The following SCML4 variants were observed in gnomAD, a reference collection of about 807,000 sequenced individuals.
SCML4 encodes the protein Scm polycomb group protein like 4, also known as sex comb on midleg-like protein 4.
In SCML4, 34 loss-of-function variants were observed where a neutral mutation model predicts 41.1. That is an observed-to-expected ratio of 0.83 (90% CI 0.63 to 1.10). SCML4 has a LOEUF of 1.10. SCML4 is among the 50% of genes least tolerant of loss of function. SCML4 has a pLI of 0.00. For synonymous variants in SCML4, 214 were observed against 220.9 expected (o/e 0.97, Z 0.28); for missense variants, 522 against 534.1 (o/e 0.98, Z 0.22).
intron 6 of SCML4, among the ~76,000 whole-genome samples, chr6:107,714,977 AT>A (rs1250441093): frequency 1.3e-3 from 69 of 54,514 alleles, no homozygotes; most frequent in Non-Finnish European, 1.7e-3. Context: ...CAAACCCTTT[AT>A]TTTTTTTTTT....
intron 6 of SCML4, chr6:107,719,245 G>T (rs927983129): frequency 8.5e-5 from 13 of 152,348 alleles, no homozygotes; most frequent in African/African-American, 2.9e-4. Context: ...TGTGGAGGGA[G>T]AATCTGCGCT....
chr6:107,719,920 A>T, intron 6 of SCML4: 2 of 985,402 alleles, frequency 2.0e-6, no homozygotes, highest in Non-Finnish European at 2.4e-6. Flanking sequence ...ATGATTTTTT[A>T]AAACATCAAT....
chr6:107,787,970 C>T (rs892979509), intron 1 of SCML4, among the ~76,000 whole-genome samples: 7 of 152,298 alleles, frequency 4.6e-5, no homozygotes, highest in African/African-American at 1.7e-4. Flanking sequence ...AATGTTTGCC[C>T]TCCAAGAACT....
chr6:107,721,982 CTTT>C lies in SCML4; in HGVS notation c.683-992_683-990del, dbSNP rs10649065. On this transcript the variant is annotated intron_variant, in intron 5 of 7. Transcript: ENST00000369020. ...CTTAAGTAAACCAGGACTTATCATA[CTTT>C]TTTTTTTTTTTTTTGAGATGGAGTT... Among the ~76,000 whole-genome samples the C allele has an allele frequency of 5.9e-5, 8 of 135,938 alleles. No homozygotes were observed. In the South Asian group the frequency reaches 1.2e-3, roughly 20 times the overall value. The allele number at this position is 135,938 out of a possible 152,430, so 89.2% of individuals were successfully genotyped here. A position where few individuals can be genotyped will look rare whatever the true frequency, so the allele number is the denominator to read the frequency against.
intron 2 of SCML4, among the ~76,000 whole-genome samples, chr6:107,770,779 T>TTGGTAATG (rs1780452370): frequency 6.6e-6 from 1 of 152,164 alleles, no homozygotes; most frequent in Non-Finnish European, 1.5e-5. Context: ...TGTTGGTAAT[T>TTGGTAATG]TTCATTCTTG....
rs781480047 is a variant in SCML4 at position 107,746,888 on chromosome 6, G to A, written c.288C>T (p.Val96=). Residue 96 remains valine (V), a splice_region_variant and synonymous_variant, in exon 4 of 8, where the codon GTC becomes GTT. Transcript: ENST00000369020. ...PSLAAPQALT[V]CLYINKQANA... ...TGGCCTGCTTGTTGATGTAGAGGCA[G>A]ACTGCGGAGACAGAGGTCACAAAGC... The A allele has an allele frequency of 4.2e-5, 67 of 1,610,226 alleles. No individual in the cohort carries two copies. In the South Asian group the frequency reaches 4.9e-4, roughly 12 times the overall value.
intron 1 of SCML4, among the ~76,000 whole-genome samples, chr6:107,780,797 G>A (rs1032428429): frequency 9.2e-5 from 14 of 151,640 alleles, no homozygotes; most frequent in African/African-American, 3.2e-4. Flanking sequence ...GAGAAGAGTC[G>A]GCATTAGCTT....
the SCML4 span, among the ~76,000 whole-genome samples, chr6:107,836,583 T>C: frequency 6.6e-6 from 1 of 152,156 alleles, no homozygotes; most frequent in Non-Finnish European, 1.5e-5. Context: ...CATACAGAAT[T>C]GTTCACCGCC....
chr6:107,828,356 C>G (rs1202885745), upstream of SCML4, among the ~76,000 whole-genome samples: 1 of 152,166 alleles, frequency 6.6e-6, no homozygotes, highest in Non-Finnish European at 1.5e-5. Flanking sequence ...TCACTTATGG[C>G]TCTGACATTT....
intron 5 of SCML4, among the ~76,000 whole-genome samples, chr6:107,721,490 G>A (rs147178425): frequency 2.0e-5 from 3 of 151,574 alleles, no homozygotes; most frequent in African/African-American, 4.8e-5. Context: ...GCTTGAACCC[G>A]GGAGGCAGAG....
chr6:107,806,989 G>A (rs1438107825), intron 1 of SCML4, among the ~76,000 whole-genome samples: 3 of 152,096 alleles, frequency 2.0e-5, no homozygotes, highest in Admixed American at 2.0e-4. Flanking sequence ...GGCAGCACCA[G>A]GGTAGGGAGA....
At position 107,746,737 on chromosome 6, in the gene SCML4, G is replaced by A; in HGVS notation, c.439C>T (p.Leu147=). 13 of 1,614,184 alleles carry A rather than the reference G, an allele frequency of 8.1e-6. No homozygotes were observed. The highest frequency in any genetic ancestry group is 1.6e-4 in the Middle Eastern group (1 of 6,062). The change falls in exon 4 of 8, where the codon CTG becomes TTG. Residue 147 remains leucine (L), a synonymous_variant. Coordinates refer to ENST00000369020, the MANE Select transcript of SCML4 (RefSeq NM_198081.5). ...CCCTGCTTGACCAGGGAGAAGACCA[G>A]CTTCTGCTGGTGGGCGCAGTCGATG... ...ACIDCAHQQK[L]VFSLVKQGYG...
At chr6:107,711,942 A>G (rs1774262059) in intron 6 of SCML4, among the ~76,000 whole-genome samples, 1 of 152,132 alleles carries the variant, frequency 6.6e-6, no homozygotes, top group Admixed American at 6.5e-5. Flanking sequence ...CTAAACACAT[A>G]ATGGTTTGGC....
the SCML4 span, among the ~76,000 whole-genome samples, chr6:107,835,316 G>A: frequency 1.3e-5 from 2 of 151,192 alleles, no homozygotes; most frequent in Admixed American, 6.6e-5. Flanking sequence ...AGCCAAGATC[G>A]TGCCACTCCA....
At chr6:107,824,371 G>A (rs955812707), upstream of SCML4, 6 of 152,040 alleles carry the variant, frequency 3.9e-5, no homozygotes, top group Non-Finnish European at 2.9e-5. Flanking sequence ...TTTCCATTAC[G>A]ATGACAGCTT....
At chr6:107,758,999 C>T (rs1461908062) in intron 2 of SCML4, among the ~76,000 whole-genome samples, 1 of 151,946 alleles carries the variant, frequency 6.6e-6, no homozygotes, top group Non-Finnish European at 1.5e-5. Flanking sequence ...GTGCTAGGCC[C>T]AGTGGCTCAC....
intron 6 of SCML4, chr6:107,719,939 C>A: frequency 1.0e-6 from 1 of 985,444 alleles, no homozygotes; most frequent in Non-Finnish European, 1.2e-6. Flanking sequence ...ATCAGAAGGG[C>A]CTTCAAGCTA....
intron 2 of SCML4, among the ~76,000 whole-genome samples, chr6:107,771,712 C>T (rs910660360): frequency 9.9e-5 from 15 of 152,196 alleles, no homozygotes; most frequent in African/African-American, 3.6e-4. Context: ...GAAGACTTTC[C>T]CATGTCCTTT....
chr6:107,843,758 C>A, the SCML4 span, among the ~76,000 whole-genome samples: 1 of 152,152 alleles, frequency 6.6e-6, no homozygotes, highest in African/African-American at 2.4e-5. Flanking sequence ...GGATAACCCA[C>A]CCAAACTTCC....
Sources: gnomAD v4.1 joint callset for allele counts (sites outside exome capture counted in the v4.1 genomes callset) on GRCh38, gnomAD v4.1.1 for gene constraint, MANE v1.5 for transcripts, NCBI Gene and HGNC (gene_info 2026-07-23, HGNC 2026-07-21) for gene names.